The following FARP1 variants were observed in gnomAD, a reference collection of about 807,000 sequenced individuals.
FARP1 encodes FERM, ARH/RhoGEF and pleckstrin domain protein 1.
Under a neutral mutation model 128.8 loss-of-function variants are expected in FARP1, and 52 were observed. The observed-to-expected ratio is 0.40, with a 90% CI of 0.32 to 0.51. The LOEUF (loss-of-function observed/expected upper bound fraction) is 0.51, where lower values mean the gene tolerates loss of function less well. Among genes scored for constraint, FARP1 ranks in the 20% least tolerant of loss-of-function variants. The pLI, the probability that FARP1 is intolerant of heterozygous loss-of-function variation, is 0.45. For missense variants in FARP1, 1,333 were observed against 1,367.9 expected (o/e 0.97, Z 0.40); for synonymous variants, 580 against 551.8 (o/e 1.05, Z -0.72).
At chr13:98,407,392 TCTAA>T (rs1891022363) in intron 13 of FARP1, 1 of 152,174 alleles carries the variant, frequency 6.6e-6, no homozygotes, top group African/African-American at 2.4e-5. Flanking sequence ...CAACTGCAGT[TCTAA>T]CTCATTGTCA....
rs1292135901 is a variant in FARP1, at chr13:98,453,875, C to G, written c.*5558C>G. ...AAGTTTAAAAGTACATACAAAATTACAGATTGGGCATCCCTTATCTGAAAT... is the reference window on the plus strand; with the variant it reads ...AAGTTTAAAAGTACATACAAAATTAGAGATTGGGCATCCCTTATCTGAAAT... On this transcript the variant is annotated 3_prime_UTR_variant, in exon 27 of 27. Coordinates refer to ENST00000319562, the MANE Select transcript of FARP1 (RefSeq NM_005766.4). 1 of 152,142 alleles carries G rather than the reference C, an allele frequency of 6.6e-6. No homozygotes were observed. The highest frequency in any genetic ancestry group is 1.5e-5 in the Non-Finnish European group (1 of 68,040). 9.4% of individuals were successfully genotyped at this position (152,142 alleles called of 1,614,324 possible).
intron 2 of FARP1, among the ~76,000 whole-genome samples, chr13:98,219,813 GCAT>G (rs1881308019): frequency 6.6e-6 from 1 of 151,972 alleles, no homozygotes; most frequent in Non-Finnish European, 1.5e-5. Context: ...CTACAGGCAC[GCAT>G]CACCACACCT....
intron 5 of FARP1, among the ~76,000 whole-genome samples, chr13:98,368,686 T>A (rs1468692248): frequency 4.6e-5 from 7 of 152,208 alleles, no homozygotes; most frequent in Non-Finnish European, 7.3e-5. Context: ...ACTTTCTCCC[T>A]TTGTGTTGCC....
Position 98,177,160 on chromosome 13 carries a change from C to T in FARP1, c.-24+33668C>T. 1.9e-6 allele frequency: 3 copies of T among 1,607,536 alleles called. No homozygotes were observed. The South Asian group carries it at 3.3e-5, about 18-fold the overall frequency. On this transcript the variant is annotated intron_variant, in intron 1 of 26. Transcript: ENST00000319562. ...TCTGAGGCCTGCAGCCCCTTTCCGTCCAGGCTTTTTGAAGAGGAAGGTGCA... is the reference window on the plus strand; with the variant it reads ...TCTGAGGCCTGCAGCCCCTTTCCGTTCAGGCTTTTTGAAGAGGAAGGTGCA...
In FARP1 at chr13:98,450,194, G is replaced by GTAGA. The variant is rs1265549461; in HGVS notation, c.*1877_*1878insTAGA. The GTAGA allele has an allele frequency of 6.6e-6, 1 of 150,384 alleles. No individual in the cohort carries two copies. Among genetic ancestry groups the GTAGA allele is most frequent in the African/African-American group, 2.4e-5 (1 of 40,916 alleles). The allele number at this position is 150,384 out of a possible 1,614,324, so 9.3% of individuals were successfully genotyped here. A position where few individuals can be genotyped will look rare whatever the true frequency, so the allele number is the denominator to read the frequency against. On this transcript the variant is annotated 3_prime_UTR_variant, in exon 27 of 27. Coordinates refer to ENST00000319562, the MANE Select transcript of FARP1 (RefSeq NM_005766.4). ...CACTACACATGAGACACACAATGAT[G>GTAGA]CAGATACTCGTTTTCTTGAGCTTTA... is the stretch of plus-strand genomic sequence containing the variant.
At chr13:98,385,415 A>C (rs1448451407) in intron 7 of FARP1, among the ~76,000 whole-genome samples, 2 of 140,870 alleles carry the variant, frequency 1.4e-5, no homozygotes, top group Non-Finnish European at 1.5e-5. Context: ...TTCCAAAAAA[A>C]ACAAAAAAAA....
At chr13:98,439,861 AG>A in intron 21 of FARP1, 99 bp from the exon 22 acceptor site, 1 of 857,060 alleles carries the variant, frequency 1.2e-6, no homozygotes, top group Non-Finnish European at 1.9e-6. Flanking sequence ...AGCCCTGCTC[AG>A]GGGCACCCCT....
intron 1 of FARP1, among the ~76,000 whole-genome samples, chr13:98,197,797 G>T (rs944319919): frequency 2.6e-5 from 4 of 151,808 alleles, no homozygotes; most frequent in African/African-American, 9.7e-5. Context: ...ACCACGCCCG[G>T]CTAATTTTTT....
chr13:98,387,772 C>T (rs1162329503), intron 8 of FARP1, among the ~76,000 whole-genome samples: 3 of 152,204 alleles, frequency 2.0e-5, no homozygotes, highest in African/African-American at 7.2e-5. Context: ...CTCAGTTCTA[C>T]CGGTGCTGTT....
At position 98,295,046 on chromosome 13, in the gene FARP1, TACACACACACACACACACAC is replaced by T. The variant is rs746373395; in HGVS notation, c.172-48676_172-48657del. Among the ~76,000 whole-genome samples the T allele has an allele frequency of 1.4e-3, 153 of 108,380 alleles. 1 individual carries two copies. The highest frequency in any genetic ancestry group is 3.2e-3 in the East Asian group (12 of 3,782). The allele number at this position is 108,380 out of a possible 152,430, so 71.1% of individuals were successfully genotyped here. A position where few individuals can be genotyped will look rare whatever the true frequency, so the allele number is the denominator to read the frequency against. On this transcript the variant is annotated intron_variant, in intron 2 of 26. Coordinates refer to ENST00000319562, the MANE Select transcript of FARP1 (RefSeq NM_005766.4). ...AAAAAAAAATTATATATATATATAT[TACACACACACACACACACAC>T]ACACACACACACACACACACACACA...
At chr13:98,173,193 G>C (rs1269455258) in intron 1 of FARP1, among the ~76,000 whole-genome samples, 1 of 152,138 alleles carries the variant, frequency 6.6e-6, no homozygotes, top group Non-Finnish European at 1.5e-5. Flanking sequence ...TCTCAGCCAG[G>C]AAATCTCAGG....
Position 98,152,893 on chromosome 13 carries a change from C to G in FARP1, c.-24+9401C>G, listed in dbSNP as rs993386160. Among the ~76,000 whole-genome samples the G allele has an allele frequency of 3.3e-5, 5 of 152,148 alleles. No homozygotes were observed. The East Asian group carries it at 9.6e-4, about 29-fold the overall frequency. ...TGAATTTCGCGTCCTTTTAAGCTGG[C>G]CTTGCAGGGCATCTGCTTGGAATCT... On this transcript the variant is annotated intron_variant, in intron 1 of 26. Transcript: ENST00000319562.
chr13:98,295,457 C>G (rs1332897126), intron 2 of FARP1, among the ~76,000 whole-genome samples: 1 of 152,110 alleles, frequency 6.6e-6, no homozygotes, highest in Non-Finnish European at 1.5e-5. Context: ...TAAGGAAGCT[C>G]GCTGGGTTAC....
chr13:98,167,702 G>A (rs975107966), intron 1 of FARP1, among the ~76,000 whole-genome samples: 4 of 152,018 alleles, frequency 2.6e-5, no homozygotes, highest in African/African-American at 9.7e-5. Flanking sequence ...GAGCCACTGC[G>A]CCTGGCCGCA....
At chr13:98,343,338 G>C (rs914092046) in intron 2 of FARP1, among the ~76,000 whole-genome samples, 1 of 152,190 alleles carries the variant, frequency 6.6e-6, no homozygotes, top group African/African-American at 2.4e-5. Context: ...AGTGAGCCTT[G>C]TGTGAGCTAT....
At chr13:98,189,876 T>C (rs1166945330) in intron 1 of FARP1, among the ~76,000 whole-genome samples, 1 of 152,250 alleles carries the variant, frequency 6.6e-6, no homozygotes, top group African/African-American at 2.4e-5. Context: ...TTGGCTATTC[T>C]TGTTGAAAAA....
chr13:98,325,112 AAGT>A (rs1887174840), intron 2 of FARP1, among the ~76,000 whole-genome samples: 1 of 152,242 alleles, frequency 6.6e-6, no homozygotes, highest in Admixed American at 6.5e-5. Flanking sequence ...ACTGACTGGT[AAGT>A]AGTCCGTAAG....
intron 2 of FARP1, among the ~76,000 whole-genome samples, chr13:98,326,326 A>T (rs1007730460): frequency 6.6e-6 from 1 of 152,196 alleles, no homozygotes; most frequent in African/African-American, 2.4e-5. Flanking sequence ...AAACCCACCT[A>T]CATAAAATTT....
intron 2 of FARP1, chr13:98,244,780 A>G: frequency 6.3e-7 from 1 of 1,587,110 alleles, no homozygotes; most frequent in Non-Finnish European, 8.6e-7. Flanking sequence ...AGTTAAATTC[A>G]AAGGTGACAT....
Sources: gnomAD v4.1 joint callset for allele counts (sites outside exome capture counted in the v4.1 genomes callset) on GRCh38, gnomAD v4.1.1 for gene constraint, MANE v1.5 for transcripts, NCBI Gene and HGNC (gene_info 2026-07-23, HGNC 2026-07-21) for gene names.